The following GALNT17 variants were observed in gnomAD, a reference collection of about 807,000 sequenced individuals.
GALNT17 encodes polypeptide N-acetylgalactosaminyltransferase 17, also known as UDP-GalNAc:polypeptide N-acetylgalactosaminyltransferase-like 3.
Under a neutral mutation model 63.7 loss-of-function variants are expected in GALNT17, and 29 were observed. That is an observed-to-expected ratio of 0.46 (90% CI 0.34 to 0.62). The LOEUF (loss-of-function observed/expected upper bound fraction) is 0.62. GALNT17 is among the 20% of genes least tolerant of loss of function. The pLI is 0.01. For missense variants in GALNT17, 603 were observed against 799.6 expected (o/e 0.75, Z 2.97); for synonymous variants, 305 against 318.3 (o/e 0.96, Z 0.45).
chr7:71,334,824 C>A (rs1223624055), intron 1 of GALNT17, among the ~76,000 whole-genome samples: 1 of 152,078 alleles, frequency 6.6e-6, no homozygotes, highest in African/African-American at 2.4e-5. Context: ...AGGGAAAGAG[C>A]TGTGTCAGAA....
chr7:71,146,269 G>A (rs1427646752), intron 1 of GALNT17, among the ~76,000 whole-genome samples: 1 of 152,108 alleles, frequency 6.6e-6, no homozygotes, highest in African/African-American at 2.4e-5. Flanking sequence ...TGTCACAGCT[G>A]TGACTGCTGC....
At chr7:71,520,743 A>G (rs1289808607) in intron 5 of GALNT17, among the ~76,000 whole-genome samples, 3 of 152,052 alleles carry the variant, frequency 2.0e-5, no homozygotes, top group Admixed American at 1.3e-4. Flanking sequence ...AAAGATTACT[A>G]GGCTTGAGGT....
At chr7:71,460,099 C>T (rs991564628) in intron 5 of GALNT17, among the ~76,000 whole-genome samples, 3 of 152,162 alleles carry the variant, frequency 2.0e-5, no homozygotes, top group Non-Finnish European at 4.4e-5. Context: ...TGTACCCCGA[C>T]CACCTTGGGC....
intron 6 of GALNT17, among the ~76,000 whole-genome samples, chr7:71,617,925 G>A (rs528113197): frequency 6.6e-6 from 1 of 152,134 alleles, no homozygotes; most frequent in African/African-American, 2.4e-5. Flanking sequence ...GGGATTAGAG[G>A]TATGAGCCAC....
chr7:71,660,966 C>T (rs1030369098), intron 6 of GALNT17, among the ~76,000 whole-genome samples: 5 of 152,230 alleles, frequency 3.3e-5, no homozygotes, highest in African/African-American at 1.2e-4. Flanking sequence ...CACAGCCATG[C>T]CGCCACTTGG....
intron 1 of GALNT17, among the ~76,000 whole-genome samples, chr7:71,139,119 A>G (rs934251742): frequency 3.9e-5 from 6 of 152,194 alleles, no homozygotes; most frequent in Non-Finnish European, 7.3e-5. Flanking sequence ...TTTAGAGGTG[A>G]GAAAGGTGAG....
At chr7:71,179,144 A>G (rs1788691770) in intron 1 of GALNT17, among the ~76,000 whole-genome samples, 1 of 152,230 alleles carries the variant, frequency 6.6e-6, no homozygotes, top group African/African-American at 2.4e-5. Flanking sequence ...GGAACTGCTT[A>G]GAGCAAGCCT....
In GALNT17 at chr7:71,318,072, GT is replaced by G. The variant is rs200116390; in HGVS notation, c.239-17472del. On this transcript the variant is annotated intron_variant, in intron 1 of 10. Transcript: ENST00000333538. ...GAATAGCTGGGACCACGCCCGACTA[GT>G]TTTTTGTATTCTTTGTTGAGATGGT... 3.8e-4 allele frequency among the ~76,000 whole-genome samples: 57 copies of G among 151,780 alleles called. 1 individual carries two copies. The East Asian group carries it at 0.011, about 29-fold the overall frequency.
rs1319085116 is a variant in GALNT17 at position 71,132,835 on chromosome 7, G to A, written c.33G>A (p.Leu11=). The A allele has an allele frequency of 6.2e-7, 1 of 1,611,542 alleles. No individual in the cohort carries two copies. The highest frequency in any genetic ancestry group is 1.3e-5 in the African/African-American group (1 of 74,812). The part of the protein sequence containing the change: MASLRRVKVL[L]VLNLIAVAGF... Reference sequence around the variant, plus strand: ...CACTGAGAAGAGTCAAAGTGCTGTTGGTGTTGAACTTGATCGCGGTAGCCG... The same window carrying A: ...CACTGAGAAGAGTCAAAGTGCTGTTAGTGTTGAACTTGATCGCGGTAGCCG... Residue 11 remains leucine, a synonymous_variant, in exon 1 of 11, where the codon TTG becomes TTA. Coordinates refer to ENST00000333538, the MANE Select transcript of GALNT17 (RefSeq NM_022479.3).
At chr7:71,592,936 C>T (rs917480119) in intron 6 of GALNT17, among the ~76,000 whole-genome samples, 1 of 152,044 alleles carries the variant, frequency 6.6e-6, no homozygotes, top group Non-Finnish European at 1.5e-5. Flanking sequence ...TGCTTGAGCC[C>T]AGGAGTTCGA....
chr7:71,200,653 A>G (rs189893009), intron 1 of GALNT17, among the ~76,000 whole-genome samples: 2 of 152,286 alleles, frequency 1.3e-5, no homozygotes, highest in Admixed American at 1.3e-4. Flanking sequence ...GGTTATAGTC[A>G]TTATGGATAT....
intron 1 of GALNT17, among the ~76,000 whole-genome samples, chr7:71,264,871 G>A (rs1790459163): frequency 6.6e-6 from 1 of 151,708 alleles, no homozygotes; most frequent in Non-Finnish European, 1.5e-5. Flanking sequence ...TGGTTAATGG[G>A]TGCAAAAATA....
intron 3 of GALNT17, among the ~76,000 whole-genome samples, chr7:71,412,393 C>T (rs1357414506): frequency 6.0e-5 from 9 of 149,960 alleles, no homozygotes; most frequent in East Asian, 2.0e-4. Flanking sequence ...TTTTTTGAGA[C>T]GGAGTCTCGC....
intron 6 of GALNT17, among the ~76,000 whole-genome samples, chr7:71,594,661 G>A (rs1243930862): frequency 6.6e-6 from 1 of 152,170 alleles, no homozygotes; most frequent in African/African-American, 2.4e-5. Flanking sequence ...AGGCAGAAGG[G>A]GAGGAGGCAG....
intron 1 of GALNT17, among the ~76,000 whole-genome samples, chr7:71,174,040 G>A (rs974029381): frequency 1.2e-4 from 19 of 152,156 alleles, no homozygotes; most frequent in African/African-American, 3.9e-4. Flanking sequence ...TCTTGGAGGC[G>A]ACTCAAGAGA....
chr7:71,712,004 T>G lies in GALNT17; in HGVS notation c.1669-14T>G. 6.2e-7 allele frequency: 1 copy of G among 1,613,792 alleles called. No individual in the cohort carries two copies. Among genetic ancestry groups the G allele is most frequent in the African/African-American group, 1.3e-5 (1 of 75,002 alleles). ...TCTCTCTTCTCCTCTCTTCTCGATT[T>G]TGCCCCCTCCCAGAATGGAGCCATC... On this transcript the variant is annotated splice_polypyrimidine_tract_variant and intron_variant, in intron 10 of 10. Coordinates refer to ENST00000333538, the MANE Select transcript of GALNT17 (RefSeq NM_022479.3).
chr7:71,251,083 A>G (rs1460439051), intron 1 of GALNT17, among the ~76,000 whole-genome samples: 3 of 152,176 alleles, frequency 2.0e-5, no homozygotes, highest in Non-Finnish European at 4.4e-5. Context: ...GTTTGTACAT[A>G]TGTATACATT....
chr7:71,298,351 A>C (rs978536350), intron 1 of GALNT17, among the ~76,000 whole-genome samples: 1 of 145,312 alleles, frequency 6.9e-6, no homozygotes, highest in Admixed American at 7.2e-5. Context: ...TTATATATCA[A>C]TAAACTAATG....
At chr7:71,239,537 A>T (rs1040546268) in intron 1 of GALNT17, among the ~76,000 whole-genome samples, 3 of 152,240 alleles carry the variant, frequency 2.0e-5, no homozygotes, top group Admixed American at 1.3e-4. Flanking sequence ...GTAATTTGTT[A>T]TGCAGCAAGA....
Sources: allele counts gnomAD v4.1 joint callset (sites outside exome capture counted in the v4.1 genomes callset), GRCh38; gene constraint gnomAD v4.1.1; transcripts MANE v1.5; gene names NCBI Gene and HGNC (gene_info 2026-07-23, HGNC 2026-07-21).